Variants in TMOD3 observed in about 807,000 individuals in gnomAD.
TMOD3 encodes tropomodulin-3.
In TMOD3, 20 loss-of-function variants were observed where a neutral mutation model predicts 39.2. That is an observed-to-expected ratio of 0.51 (90% confidence interval 0.36 to 0.74). The LOEUF is 0.74. Among genes scored for constraint, TMOD3 ranks in the 30% least tolerant of loss-of-function variants. TMOD3 has a pLI of 0.00. For missense variants in TMOD3, 381 were observed against 412.8 expected (o/e 0.92, Z 0.67); for synonymous variants, 143 against 145.8 (o/e 0.98, Z 0.14).
In TMOD3 at chr15:51,869,384, G is replaced by A; in HGVS notation, c.283+11G>A. On this transcript the variant is annotated intron_variant, in intron 3 of 9. Transcript: ENST00000308580. ...CTGGAGAAAAAAAAGGTAAGCCCCA[G>A]AATTTTAAAGTCATTATGTGGTAAC... The A allele has an allele frequency of 6.2e-7, 1 of 1,608,224 alleles. No individual in the cohort carries two copies. Among genetic ancestry groups the A allele is most frequent in the Non-Finnish European group, 8.5e-7 (1 of 1,178,572 alleles).
chr15:51,900,445 A>C (rs925067418), intron 8 of TMOD3, 147 bp downstream of exon 8: 2 of 796,136 alleles, frequency 2.5e-6, no homozygotes, highest in Non-Finnish European at 3.9e-6. Flanking sequence ...CATTTGGGGT[A>C]TCTAGAATAT....
intron 3 of TMOD3, among the ~76,000 whole-genome samples, chr15:51,874,664 C>T (rs2056492542): frequency 6.6e-6 from 1 of 152,220 alleles, no homozygotes; most frequent in Non-Finnish European, 1.5e-5. Flanking sequence ...TCCCAGTCTT[C>T]AGTATTTTTT....
intron 3 of TMOD3, among the ~76,000 whole-genome samples, chr15:51,880,015 A>G (rs1595903222): frequency 6.6e-6 from 1 of 152,214 alleles, no homozygotes; most frequent in Non-Finnish European, 1.5e-5. Flanking sequence ...TGAATTTATC[A>G]ACATCTCATA....
At chr15:51,834,975 G>A (rs886373868) in intron 1 of TMOD3, 2 of 152,210 alleles carry the variant, frequency 1.3e-5, no homozygotes, top group African/African-American at 4.8e-5. Flanking sequence ...AAAATTAAAT[G>A]TTTATGCTCC....
chr15:51,866,783 T>C (rs540606461), intron 2 of TMOD3, among the ~76,000 whole-genome samples: 1 of 152,366 alleles, frequency 6.6e-6, no homozygotes, highest in Non-Finnish European at 1.5e-5. Flanking sequence ...CCCCAGGTAC[T>C]ATGCTAGGCT....
chr15:51,895,107 A>G (rs2141704549), intron 6 of TMOD3, among the ~76,000 whole-genome samples: 1 of 152,274 alleles, frequency 6.6e-6, no homozygotes, highest in East Asian at 1.9e-4. Context: ...GCATCTGGAA[A>G]TCTTGAGCCT....
In TMOD3 at chr15:51,853,363, G is replaced by C. The variant is rs113429172; in HGVS notation, c.-74-9448G>C. ...CTACAGACGTGGGCCATCATGCCTG[G>C]CTAGTTTTTTGTATTTTGTAGAGAT... On this transcript the variant is annotated intron_variant, in intron 1 of 9. Transcript: ENST00000308580. 1.4e-3 allele frequency among the ~76,000 whole-genome samples: 212 copies of C among 152,162 alleles called. 2 individuals carry two copies. Among genetic ancestry groups the C allele is most frequent in the African/African-American group, 4.8e-3 (198 of 41,524 alleles).
chr15:51,890,634 A>C (rs1330647887), intron 5 of TMOD3, among the ~76,000 whole-genome samples: 1 of 152,186 alleles, frequency 6.6e-6, no homozygotes, highest in African/African-American at 2.4e-5. Context: ...GGTAACCTCA[A>C]TATTTTACAC....
At chr15:51,858,578 T>C (rs947162357) in intron 1 of TMOD3, among the ~76,000 whole-genome samples, 3 of 152,148 alleles carry the variant, frequency 2.0e-5, no homozygotes, top group Non-Finnish European at 4.4e-5. Context: ...GTGTTTTTTT[T>C]CCCCTGTGAT....
Position 51,909,019 on chromosome 15 carries a change from TTTTAATTTAG to T in TMOD3, c.*217_*226del, listed in dbSNP as rs1431907448. 2.8e-5 allele frequency: 11 copies of T among 394,980 alleles called. No homozygotes were observed. The highest frequency in any genetic ancestry group is 2.3e-4 in the African/African-American group (11 of 48,318). The allele number at this position is 394,980 out of a possible 1,614,324, so 24.5% of individuals were successfully genotyped here. A position where few individuals can be genotyped will look rare whatever the true frequency, so the allele number is the denominator to read the frequency against. Reference sequence around the variant, plus strand: ...CATTTCTACTTTCTGCTAAAATCAATTTTAATTTAGTTTAATTGAATGATTTATGATGAAT... The same window carrying T: ...CATTTCTACTTTCTGCTAAAATCAATTTTAATTGAATGATTTATGATGAAT... On this transcript the variant is annotated 3_prime_UTR_variant, in exon 10 of 10. Transcript: ENST00000308580.
At chr15:51,871,978 T>G (rs2141690950) in intron 3 of TMOD3, among the ~76,000 whole-genome samples, 1 of 152,338 alleles carries the variant, frequency 6.6e-6, no homozygotes, top group South Asian at 2.1e-4. Flanking sequence ...GATGCAGTGA[T>G]TAAGATGATA....
intron 1 of TMOD3, among the ~76,000 whole-genome samples, chr15:51,830,102 C>G (rs946666781): frequency 6.6e-6 from 1 of 152,106 alleles, no homozygotes; most frequent in Non-Finnish European, 1.5e-5. Context: ...ACCCGCGGCC[C>G]GGGCGCCCGG....
At position 51,905,830 on chromosome 15, in the gene TMOD3, G is replaced by C. The variant is rs183911139; in HGVS notation, c.1025-2946G>C. Among the ~76,000 whole-genome samples, 388 of 151,584 alleles carry C rather than the reference G, an allele frequency of 2.6e-3. 4 individuals carry two copies. Among genetic ancestry groups the C allele is most frequent in the African/African-American group, 8.9e-3 (368 of 41,246 alleles). On this transcript the variant is annotated intron_variant, in intron 9 of 9. Transcript: ENST00000308580. ...GCGGTGGCGGGCGCCTGTAGTCCCA[G>C]CTACTCGGGAGGCTGAGGCAGGAGA... is the stretch of plus-strand genomic sequence containing the variant.
At position 51,858,890 on chromosome 15, in the gene TMOD3, A is replaced by G. The variant is rs964858274; in HGVS notation, c.-74-3921A>G. On this transcript the variant is annotated intron_variant, in intron 1 of 9. Coordinates refer to ENST00000308580, the MANE Select transcript of TMOD3 (RefSeq NM_014547.5). ...CCTGGAATTAGAGATTCGTGCATCAAGCTGAGCATGGTGTCCTGCGCCTAT... is the reference window on the plus strand; with the variant it reads ...CCTGGAATTAGAGATTCGTGCATCAGGCTGAGCATGGTGTCCTGCGCCTAT... Among the ~76,000 whole-genome samples, 14 of 152,286 alleles carry G rather than the reference A, an allele frequency of 9.2e-5. No homozygotes were observed. In the South Asian group the frequency reaches 1.2e-3, roughly 14 times the overall value.
rs146136238 is a variant in TMOD3, at chr15:51,865,146, C to T, written c.126+2136C>T. On this transcript the variant is annotated intron_variant, in intron 2 of 9. Coordinates refer to ENST00000308580, the MANE Select transcript of TMOD3 (RefSeq NM_014547.5). The stretch of plus-strand genomic sequence containing the variant: ...GGACTACAGGCAAGCACCACTATAC[C>T]CAGCTAATTACTTTTTAAAATTTTT... 1.4e-3 allele frequency among the ~76,000 whole-genome samples: 215 copies of T among 152,158 alleles called. 11 individuals carry two copies. Among genetic ancestry groups the T allele is most frequent in the East Asian group, 9.9e-3 (51 of 5,176 alleles).
intron 3 of TMOD3, among the ~76,000 whole-genome samples, chr15:51,878,893 G>A (rs2056518660): frequency 6.6e-6 from 1 of 152,158 alleles, no homozygotes; most frequent in Non-Finnish European, 1.5e-5. Flanking sequence ...CAACTCTGTA[G>A]GAATGAAGTA....
Position 51,869,357 on chromosome 15 carries a change from C to A in TMOD3, c.267C>A (p.Tyr89Ter), listed in dbSNP as rs1373078612. The A allele has an allele frequency of 6.2e-7, 1 of 1,610,064 alleles. No individual in the cohort carries two copies. Among genetic ancestry groups the A allele is most frequent in the Admixed American group, 1.7e-5 (1 of 58,894 alleles). ...EHKDREDYVP[Y>*]TGEKKGKIFI... ...AAGACAGGGAAGACTATGTGCCCTA[C>A]ACTGGAGAAAAAAAAGGTAAGCCCC... Residue 89 changes from tyrosine (Y) to a stop codon, truncating the protein, a stop_gained, in exon 3 of 10, where the codon TAC becomes TAA. Transcript: ENST00000308580. LOFTEE classifies it high-confidence loss of function.
chr15:51,893,688 C>T, intron 5 of TMOD3, 127 bp from the exon 6 acceptor site: 1 of 846,894 alleles, frequency 1.2e-6, no homozygotes, highest in Non-Finnish European at 1.6e-6. Context: ...TGGCTTGAAC[C>T]CGGGAGGCGG....
chr15:51,858,944 G>A (rs1259859471), intron 1 of TMOD3, among the ~76,000 whole-genome samples: 1 of 152,284 alleles, frequency 6.6e-6, no homozygotes, highest in African/African-American at 2.4e-5. Context: ...GTCTGAGGCA[G>A]GAAGGTCACT....
Sources: allele counts gnomAD v4.1 joint callset (sites outside exome capture counted in the v4.1 genomes callset), GRCh38; gene constraint gnomAD v4.1.1; transcripts MANE v1.5; gene names NCBI Gene and HGNC (gene_info 2026-07-23, HGNC 2026-07-21).